The following OSBPL9 variants were observed in gnomAD, a reference collection of about 807,000 sequenced individuals.
The protein encoded by OSBPL9 is oxysterol binding protein like 9.
A neutral mutation model predicts 106.6 loss-of-function variants in OSBPL9; 40 were observed. The observed-to-expected ratio is 0.38, with a 90% confidence interval of 0.29 to 0.49. The LOEUF (loss-of-function observed/expected upper bound fraction) is 0.49, where lower values mean the gene tolerates loss of function less well. Ranked by LOEUF, OSBPL9 falls within the 20% of genes least tolerant of loss-of-function variation. OSBPL9 has a pLI of 0.97. For synonymous variants in OSBPL9, 269 were observed against 295.4 expected, an observed-to-expected ratio of 0.91 and a Z score of 0.92; for missense variants, 609 against 887.2, an observed-to-expected ratio of 0.69 and a Z score of 3.98.
At chr1:51,648,941 AT>A (rs1438255663) in intron 1 of OSBPL9, among the ~76,000 whole-genome samples, 2 of 152,016 alleles carry the variant, frequency 1.3e-5, no homozygotes, top group Non-Finnish European at 2.9e-5. Context: ...TAACGGTGTT[AT>A]TTTTCTAAAA....
At chr1:51,601,493 T>A (rs1003186203) in intron 2 of OSBPL9, among the ~76,000 whole-genome samples, 2 of 152,234 alleles carry the variant, frequency 1.3e-5, no homozygotes, top group African/African-American at 2.4e-5. Context: ...ATCTCCCCCA[T>A]GGGTTCACTT....
intron 4 of OSBPL9, among the ~76,000 whole-genome samples, chr1:51,715,459 A>G (rs543491902): frequency 2.0e-5 from 3 of 152,086 alleles, no homozygotes; most frequent in East Asian, 3.9e-4. Flanking sequence ...TTTTTTTGAG[A>G]CAGAGTCTCA....
intron 12 of OSBPL9, 68 bp from the exon 13 acceptor site, chr1:51,772,002 C>A: frequency 8.7e-7 from 1 of 1,145,516 alleles, no homozygotes; most frequent in Non-Finnish European, 1.3e-6. Flanking sequence ...GCTAACTGTA[C>A]GAGTCTAGCT....
At chr1:51,680,287 A>G (rs892028497) in intron 3 of OSBPL9, among the ~76,000 whole-genome samples, 5 of 151,898 alleles carry the variant, frequency 3.3e-5, no homozygotes, top group Non-Finnish European at 5.9e-5. Context: ...TTCTGTATAA[A>G]TAGGTTATCC....
At chr1:51,587,530 T>C (rs1645252775) in intron 1 of OSBPL9, among the ~76,000 whole-genome samples, 1 of 152,226 alleles carries the variant, frequency 6.6e-6, no homozygotes, top group African/African-American at 2.4e-5. Context: ...GGCTTCTTTC[T>C]GCCTAACTCT....
At position 51,787,339 on chromosome 1, in the gene OSBPL9, CCT is replaced by C. The variant is rs1677917839; in HGVS notation, c.2001-11_2001-10del. 1 of 1,612,632 alleles carries C rather than the reference CCT, an allele frequency of 6.2e-7. No individual in the cohort carries two copies. Among genetic ancestry groups the C allele is most frequent in the Non-Finnish European group, 8.5e-7 (1 of 1,178,820 alleles). ...TTCTCAACATTGGCAGCTCCTCTTA[CCT>C]CTTTGTTTTAGCCTTTGGAAGGATG... On this transcript the variant is annotated splice_polypyrimidine_tract_variant and intron_variant, in intron 22 of 23. Coordinates refer to ENST00000428468, the MANE Select transcript of OSBPL9 (RefSeq NM_024586.6).
chr1:51,757,262 A>G (rs1004621586), intron 9 of OSBPL9, among the ~76,000 whole-genome samples: 5 of 152,128 alleles, frequency 3.3e-5, no homozygotes, highest in African/African-American at 1.2e-4. Flanking sequence ...TAAAATAAGC[A>G]TGTTTGGAAT....
At chr1:51,605,590 A>G (rs1222130816) in intron 2 of OSBPL9, among the ~76,000 whole-genome samples, 3 of 152,240 alleles carry the variant, frequency 2.0e-5, no homozygotes, top group African/African-American at 7.2e-5. Context: ...AATGGCATGA[A>G]TTTAGGGAAC....
chr1:51,664,984 A>G (rs1648090835), intron 2 of OSBPL9, among the ~76,000 whole-genome samples: 1 of 152,204 alleles, frequency 6.6e-6, no homozygotes, highest in African/African-American at 2.4e-5. Context: ...ACTGTGGTTT[A>G]GTGCTCTGTG....
At chr1:51,641,648 G>T (rs1196363823) in intron 1 of OSBPL9, among the ~76,000 whole-genome samples, 19 of 152,072 alleles carry the variant, frequency 1.2e-4, no homozygotes, top group Non-Finnish European at 2.8e-4. Context: ...CCAGCAAAAA[G>T]CTGCTTTTGG....
At chr1:51,590,778 C>G (rs1382372012) in intron 1 of OSBPL9, among the ~76,000 whole-genome samples, 2 of 151,800 alleles carry the variant, frequency 1.3e-5, no homozygotes, top group African/African-American at 2.4e-5. Flanking sequence ...GAGACAGGGT[C>G]TCTCTTTGTT....
intron 3 of OSBPL9, among the ~76,000 whole-genome samples, chr1:51,694,513 T>C (rs1288467343): frequency 6.6e-6 from 1 of 152,246 alleles, no homozygotes; most frequent in African/African-American, 2.4e-5. Flanking sequence ...AAGTGATAGT[T>C]ACTTAAAGTT....
In OSBPL9 at chr1:51,774,877, A is replaced by AT. The variant is rs964606636; in HGVS notation, c.1171-1948dup. Reference sequence around the variant, plus strand: ...TCCTAAGTAGAAGAAAAAAATATTTATTTTTTTTAAATTACGTGTGAAATT... The same window carrying AT: ...TCCTAAGTAGAAGAAAAAAATATTTATTTTTTTTTAAATTACGTGTGAAATT... On this transcript the variant is annotated intron_variant, in intron 14 of 23. Coordinates refer to ENST00000428468, the MANE Select transcript of OSBPL9 (RefSeq NM_024586.6). Among the ~76,000 whole-genome samples, 4 of 152,106 alleles carry AT rather than the reference A, an allele frequency of 2.6e-5. No homozygotes were observed. In the East Asian group the frequency reaches 5.8e-4, roughly 22 times the overall value.
intron 7 of OSBPL9, chr1:51,749,506 G>T (rs1571522056): frequency 2.3e-6 from 1 of 430,980 alleles, no homozygotes; most frequent in East Asian, 7.1e-5. Flanking sequence ...TTATAGAGAT[G>T]GGATTCTGCT....
At chr1:51,625,442 A>G (rs1284701993) in intron 1 of OSBPL9, among the ~76,000 whole-genome samples, 3 of 152,200 alleles carry the variant, frequency 2.0e-5, no homozygotes, top group Admixed American at 6.5e-5. Flanking sequence ...TTTACTGTTT[A>G]TAGAGAAATA....
chr1:51,776,823 T>G lies in OSBPL9; in HGVS notation c.1171-10T>G. The stretch of plus-strand genomic sequence containing the variant: ...TTGATCTTCAAGGGTCAAATGTGTA[T>G]GTTTTTCAGGTAGTTCTTCCAACGT... On this transcript the variant is annotated splice_polypyrimidine_tract_variant and intron_variant, in intron 14 of 23. Coordinates refer to ENST00000428468, the MANE Select transcript of OSBPL9 (RefSeq NM_024586.6). 1.3e-6 allele frequency: 2 copies of G among 1,584,972 alleles called. No homozygotes were observed. Among genetic ancestry groups the G allele is most frequent in the Non-Finnish European group, 1.7e-6 (2 of 1,153,818 alleles).
In OSBPL9 at chr1:51,711,309, G is replaced by A. The variant is rs112651323; in HGVS notation, c.242-2694G>A. Among the ~76,000 whole-genome samples the A allele has an allele frequency of 2.7e-5, 4 of 147,704 alleles. 1 individual carries two copies. The highest frequency in any genetic ancestry group is 4.4e-4 in the South Asian group (2 of 4,572). ...CGGGCAGAGGTGCCCCTCACCTCCC[G>A]GACGGGGCGGCTGGCCGGGCAGGGG... On this transcript the variant is annotated intron_variant, in intron 3 of 23. Transcript: ENST00000428468.
chr1:51,607,158 CTT>C (rs1297425927), intron 2 of OSBPL9, among the ~76,000 whole-genome samples: 3 of 147,450 alleles, frequency 2.0e-5, no homozygotes, highest in African/African-American at 7.6e-5. Flanking sequence ...CTTTTCTTTT[CTT>C]TTTCTTTTTT....
intron 3 of OSBPL9, among the ~76,000 whole-genome samples, chr1:51,706,631 CTTG>C (rs1037641081): frequency 2.7e-5 from 4 of 150,636 alleles, no homozygotes; most frequent in Admixed American, 6.6e-5. Context: ...TTTTGAACTT[CTTG>C]TTGTTTTCAG....
Sources: allele counts gnomAD v4.1 joint callset (sites outside exome capture counted in the v4.1 genomes callset), GRCh38; gene constraint gnomAD v4.1.1; transcripts MANE v1.5; gene names NCBI Gene and HGNC (gene_info 2026-07-23, HGNC 2026-07-21).